The following CDH17 variants were observed in gnomAD, a reference collection of about 807,000 sequenced individuals.
CDH17 encodes cadherin 17.
A neutral mutation model predicts 86.3 loss-of-function variants in CDH17; 67 were observed. The observed-to-expected ratio is 0.78, with a 90% CI of 0.64 to 0.95. The LOEUF (loss-of-function observed/expected upper bound fraction) is 0.95. Among genes scored for constraint, CDH17 ranks in the 40% least tolerant of loss-of-function variants. The pLI is 0.00. For missense variants in CDH17, 993 were observed against 1,017.6 expected (o/e 0.98, Z 0.33); for synonymous variants, 367 against 366.4 (o/e 1.00, Z -0.02).
chr8:94,204,197 A>T (rs1473987805), intron 1 of CDH17, among the ~76,000 whole-genome samples: 1 of 152,090 alleles, frequency 6.6e-6, no homozygotes, highest in Non-Finnish European at 1.5e-5. Flanking sequence ...CAGGTTTGTT[A>T]TATAGGTATA....
In CDH17 at chr8:94,136,552, C is replaced by A. The variant is rs11985194; in HGVS notation, c.2168-5560G>T. On this transcript the variant is annotated intron_variant, in intron 15 of 17. Transcript: ENST00000027335. ...GTTAGCCATTCATCTAACCCTTTTTCAAGGTTTTTAGCTTCCTTGCGTTGG... is the reference window on the plus strand; with the variant it reads ...GTTAGCCATTCATCTAACCCTTTTTAAAGGTTTTTAGCTTCCTTGCGTTGG... Among the ~76,000 whole-genome samples the A allele has an allele frequency of 5.5e-3, 830 of 152,202 alleles. 9 individuals carry two copies. Among genetic ancestry groups the A allele is most frequent in the African/African-American group, 0.019 (772 of 41,530 alleles).
chr8:94,176,713 G>C, intron 4 of CDH17, 34 bp from the exon 5 acceptor site: 9 of 1,588,524 alleles, frequency 5.7e-6, no homozygotes, highest in Non-Finnish European at 7.7e-6. Context: ...ATGTTGGTGA[G>C]ACTGAACTTC....
intron 4 of CDH17, among the ~76,000 whole-genome samples, chr8:94,177,024 C>T (rs1387056794): frequency 6.6e-6 from 1 of 152,226 alleles, no homozygotes; most frequent in African/African-American, 2.4e-5. Flanking sequence ...GCAAGGCCTG[C>T]AGCAGAAGTA....
intron 14 of CDH17, 103 bp downstream of exon 14, chr8:94,148,641 G>A (rs1812794018): frequency 7.6e-6 from 7 of 915,534 alleles, no homozygotes; most frequent in Non-Finnish European, 1.5e-6. Context: ...ATATTCTGGT[G>A]TTTTGGCCCT....
chr8:94,158,088 C>G (rs1349898922), intron 12 of CDH17, among the ~76,000 whole-genome samples: 1 of 152,122 alleles, frequency 6.6e-6, no homozygotes, highest in Non-Finnish European at 1.5e-5. Context: ...GCCCAAGGGA[C>G]AGAGAGCTGG....
chr8:94,136,148 C>T lies in CDH17; in HGVS notation c.2168-5156G>A, dbSNP rs1433645613. ...TTATGTGTCTTGGGGTTGCTCTTCT[C>T]GAGGAGTATCTTTGTGGTGGTCTCT... On this transcript the variant is annotated intron_variant, in intron 15 of 17. Coordinates refer to ENST00000027335, the MANE Select transcript of CDH17 (RefSeq NM_004063.4). Among the ~76,000 whole-genome samples the T allele has an allele frequency of 5.3e-5, 8 of 152,056 alleles. No individual in the cohort carries two copies. In the East Asian group the frequency reaches 1.2e-3, roughly 22 times the overall value.
intron 15 of CDH17, among the ~76,000 whole-genome samples, chr8:94,135,212 CT>C (rs1286081414): frequency 6.6e-6 from 1 of 152,130 alleles, no homozygotes; most frequent in African/African-American, 2.4e-5. Flanking sequence ...CCTGGATATC[CT>C]TGTTAACCTT....
chr8:94,157,703 GC>G (rs2130613564), intron 12 of CDH17, among the ~76,000 whole-genome samples: 1 of 152,272 alleles, frequency 6.6e-6, no homozygotes, highest in South Asian at 2.1e-4. Context: ...GATCACTTGA[GC>G]CCAGGAGTTC....
At chr8:94,134,480 T>A (rs923537238) in intron 15 of CDH17, among the ~76,000 whole-genome samples, 2 of 152,226 alleles carry the variant, frequency 1.3e-5, no homozygotes, top group African/African-American at 4.8e-5. Context: ...TAGTTTGTAT[T>A]TCTGTGGGAC....
chr8:94,214,696 C>T (rs2623165), intron 1 of CDH17, among the ~76,000 whole-genome samples: 112,978 of 152,046 alleles, frequency 0.74, 42,985 homozygotes, highest in African/African-American at 0.87. Flanking sequence ...CAAAAAACAC[C>T]GTTAAGAAAG....
chr8:94,137,996 T>C (rs935274369), intron 15 of CDH17, among the ~76,000 whole-genome samples: 2 of 152,182 alleles, frequency 1.3e-5, no homozygotes, highest in African/African-American at 4.8e-5. Flanking sequence ...ATAACATTTA[T>C]AGGCCTCAAA....
chr8:94,212,819 C>T (rs565808419), upstream of CDH17, among the ~76,000 whole-genome samples: 2 of 152,216 alleles, frequency 1.3e-5, no homozygotes, highest in Non-Finnish European at 2.9e-5. Context: ...GCAGGCGGGG[C>T]CCTCAATCTG....
intron 15 of CDH17, among the ~76,000 whole-genome samples, chr8:94,140,701 G>T (rs776033620): frequency 2.6e-5 from 4 of 152,044 alleles, no homozygotes; most frequent in Non-Finnish European, 5.9e-5. Context: ...AAGATAATTT[G>T]CCAATATCAG....
chr8:94,131,890 A>G (rs2130566145), intron 15 of CDH17, among the ~76,000 whole-genome samples: 1 of 152,040 alleles, frequency 6.6e-6, no homozygotes, highest in African/African-American at 2.4e-5. Context: ...AAGTGTTCTC[A>G]TTGTTCAATT....
rs7007007 is a variant in CDH17, at chr8:94,130,416, C to T, written c.2398+210G>A. 4.8e-3 allele frequency among the ~76,000 whole-genome samples: 727 copies of T among 152,290 alleles called. 4 individuals are homozygous for T. The highest frequency in any genetic ancestry group is 0.017 in the African/African-American group (705 of 41,546). On this transcript the variant is annotated intron_variant, in intron 17 of 17. Coordinates refer to ENST00000027335, the MANE Select transcript of CDH17 (RefSeq NM_004063.4). Reference sequence around the variant, plus strand: ...CCATAAAGCCCCTTATATTTCTAAACTAATAAGGCAATAGAGACAGAGGGT... The same window carrying T: ...CCATAAAGCCCCTTATATTTCTAAATTAATAAGGCAATAGAGACAGAGGGT...
chr8:94,179,114 G>A (rs1329373821), intron 3 of CDH17, among the ~76,000 whole-genome samples: 1 of 149,978 alleles, frequency 6.7e-6, no homozygotes, highest in Non-Finnish European at 1.5e-5. Context: ...CCTTTCCTAA[G>A]ATCTGAAGTA....
intron 15 of CDH17, among the ~76,000 whole-genome samples, chr8:94,143,180 G>A (rs987433895): frequency 6.6e-6 from 1 of 152,208 alleles, no homozygotes; most frequent in African/African-American, 2.4e-5. Flanking sequence ...AATGGATGCT[G>A]TGTTAGCAGG....
At chr8:94,173,498 G>C (rs1025265125) in intron 7 of CDH17, among the ~76,000 whole-genome samples, 30 of 152,120 alleles carry the variant, frequency 2.0e-4, no homozygotes, top group African/African-American at 7.2e-4. Context: ...CTGGAGCCAC[G>C]CTTGAACAGC....
At chr8:94,148,638 G>T in intron 14 of CDH17, 106 bp downstream of exon 14, 1 of 810,558 alleles carries the variant, frequency 1.2e-6, no homozygotes, top group Non-Finnish European at 1.8e-6. Flanking sequence ...GTGATATTCT[G>T]GTGTTTTGGC....
Sources: allele counts gnomAD v4.1 joint callset (sites outside exome capture counted in the v4.1 genomes callset), GRCh38; gene constraint gnomAD v4.1.1; transcripts MANE v1.5; gene names NCBI Gene and HGNC (gene_info 2026-07-23, HGNC 2026-07-21).